The following RPH3A variants were observed in gnomAD, a reference collection of about 807,000 sequenced individuals.
RPH3A encodes rabphilin-3A.
Under a neutral mutation model 102.2 loss-of-function variants are expected in RPH3A, and 48 were observed. The ratio of observed to expected loss-of-function variants is 0.47; its 90% confidence interval spans 0.37 to 0.60. RPH3A has a LOEUF of 0.60. Among genes scored for constraint, RPH3A ranks in the 20% least tolerant of loss-of-function variants. RPH3A has a pLI of 0.00. For synonymous variants in RPH3A, 310 were observed against 324.3 expected (o/e 0.96, Z 0.47); for missense variants, 781 against 910.1 (o/e 0.86, Z 1.83).
At position 112,621,010 on chromosome 12, in the gene RPH3A, A is replaced by AT. The variant is rs1324365562; in HGVS notation, c.-140+45704dup. 1.4e-3 allele frequency among the ~76,000 whole-genome samples: 208 copies of AT among 146,214 alleles called. 3 individuals are homozygous for AT. The highest frequency in any genetic ancestry group is 3.6e-3 in the Middle Eastern group (1 of 276). ...TATCTTCCTATTTTTTAACATTATT[A>AT]TTTTTTTTTTTTTGTAGAGATAGGG... On this transcript the variant is annotated intron_variant, in intron 1 of 21. Transcript: ENST00000543106.
In RPH3A at chr12:112,575,427, A is replaced by ACGCTGCCTCCGGGAATGGGGCTGCTGGAG. The variant is rs546285621; in HGVS notation, c.-140+111_-140+139dup. 8.8e-3 allele frequency: 1,282 copies of ACGCTGCCTCCGGGAATGGGGCTGCTGGAG among 145,956 alleles called. 11 individuals are homozygous for ACGCTGCCTCCGGGAATGGGGCTGCTGGAG. Among genetic ancestry groups the ACGCTGCCTCCGGGAATGGGGCTGCTGGAG allele is most frequent in the South Asian group, 0.028 (119 of 4,192 alleles). The allele number at this position is 145,956 out of a possible 1,614,324, so 9.0% of individuals were successfully genotyped here. On this transcript the variant is annotated intron_variant, in intron 1 of 21. Coordinates refer to the RPH3A transcript ENST00000543106. ...CCGTGGGGGCGCGGCCGGACGCGGG[A>ACGCTGCCTCCGGGAATGGGGCTGCTGGAG]CGCTGCCTCCGGGAATGGGGCTGCT...
At chr12:112,828,269 G>A in intron 2 of RPH3A, 32 bp from the exon 3 acceptor site, 1 of 1,448,496 alleles carries the variant, frequency 6.9e-7, no homozygotes, top group Non-Finnish European at 9.7e-7. Context: ...TGAATGATGG[G>A]GTGATGTCCT....
intron 1 of RPH3A, among the ~76,000 whole-genome samples, chr12:112,605,637 T>C (rs1197521839): frequency 6.6e-6 from 1 of 152,232 alleles, no homozygotes; most frequent in Non-Finnish European, 1.5e-5. Context: ...CAAGCCTTTT[T>C]ATTTAGAGTT....
intron 4 of RPH3A, among the ~76,000 whole-genome samples, chr12:112,837,433 T>G (rs1168368227): frequency 6.6e-6 from 1 of 152,212 alleles, no homozygotes; most frequent in Non-Finnish European, 1.5e-5. Context: ...TTTCAGCTTT[T>G]TTTTTGGAGA....
At chr12:112,779,581 C>T (rs2040992861) in intron 1 of RPH3A, among the ~76,000 whole-genome samples, 1 of 152,070 alleles carries the variant, frequency 6.6e-6, no homozygotes, top group African/African-American at 2.4e-5. Context: ...GATCATCACC[C>T]CCTTCCATTG....
At chr12:112,709,889 ATTGT>A (rs2040448442) in intron 1 of RPH3A, among the ~76,000 whole-genome samples, 1 of 152,102 alleles carries the variant, frequency 6.6e-6, no homozygotes, top group Non-Finnish European at 1.5e-5. Flanking sequence ...GACATGTTTA[ATTGT>A]TTGCCCAAGG....
rs2043192180 is a variant in RPH3A at position 112,897,138 on chromosome 12, A to G, written c.*358A>G. 1 of 223,260 alleles carries G rather than the reference A, an allele frequency of 4.5e-6. No homozygotes were observed. The highest frequency in any genetic ancestry group is 8.9e-6 in the Non-Finnish European group (1 of 112,670). The allele number at this position is 223,260 out of a possible 1,614,324, so 13.8% of individuals were successfully genotyped here. A position where few individuals can be genotyped will look rare whatever the true frequency, so the allele number is the denominator to read the frequency against. On this transcript the variant is annotated 3_prime_UTR_variant, in exon 22 of 22. Transcript: ENST00000389385. ...TTTAGACCCTCCTAGCCTTGAACAC[A>G]CACATGTACACACACACACACACAC...
At chr12:112,769,303 T>C (rs1248886868) in intron 1 of RPH3A, among the ~76,000 whole-genome samples, 1 of 152,214 alleles carries the variant, frequency 6.6e-6, no homozygotes, top group African/African-American at 2.4e-5. Flanking sequence ...GAGGCAAACG[T>C]TTTTCTTGTG....
At chr12:112,766,025 A>T (rs1592987242) in intron 1 of RPH3A, among the ~76,000 whole-genome samples, 1 of 152,190 alleles carries the variant, frequency 6.6e-6, no homozygotes, top group Admixed American at 6.5e-5. Context: ...CTCTTTAGAT[A>T]GATGCCATCT....
At chr12:112,667,147 A>AT (rs1346684340) in intron 1 of RPH3A, among the ~76,000 whole-genome samples, 1 of 151,980 alleles carries the variant, frequency 6.6e-6, no homozygotes, top group Non-Finnish European at 1.5e-5. Flanking sequence ...TGTGCATGTT[A>AT]TTTTTCTCTG....
At chr12:112,609,912 C>G (rs2039625596) in intron 1 of RPH3A, among the ~76,000 whole-genome samples, 1 of 152,176 alleles carries the variant, frequency 6.6e-6, no homozygotes, top group Admixed American at 6.5e-5. Context: ...TGCCTTGAAC[C>G]ACTGGAATAG....
At chr12:112,849,653 A>AT (rs1400879687) in intron 5 of RPH3A, among the ~76,000 whole-genome samples, 2 of 152,168 alleles carry the variant, frequency 1.3e-5, no homozygotes, top group Non-Finnish European at 2.9e-5. Context: ...AAGGGTAGGT[A>AT]TTTTTGCCGG....
intron 18 of RPH3A, among the ~76,000 whole-genome samples, chr12:112,890,366 A>C (rs1005556896): frequency 6.6e-6 from 1 of 152,014 alleles, no homozygotes; most frequent in African/African-American, 2.4e-5. Context: ...GCAATGGCAC[A>C]CTCCTTTCTT....
intron 5 of RPH3A, among the ~76,000 whole-genome samples, chr12:112,848,593 A>G (rs1409904643): frequency 6.6e-6 from 1 of 152,188 alleles, no homozygotes; most frequent in Non-Finnish European, 1.5e-5. Flanking sequence ...TGACACATGC[A>G]CAGTTCCTGA....
chr12:112,621,454 C>T (rs2039723778), intron 1 of RPH3A, among the ~76,000 whole-genome samples: 1 of 148,040 alleles, frequency 6.8e-6, no homozygotes, highest in African/African-American at 2.5e-5. Context: ...GACGGACGCA[C>T]CTGGAAAATC....
At chr12:112,883,430 G>C (rs1243665052) in intron 16 of RPH3A, 28 bp downstream of exon 16, 22 of 1,555,900 alleles carry the variant, frequency 1.4e-5, no homozygotes, top group Non-Finnish European at 1.9e-5. Flanking sequence ...GGCAGAGAGG[G>C]AGGCAAAGGG....
intron 4 of RPH3A, among the ~76,000 whole-genome samples, chr12:112,841,260 T>A (rs1326003256): frequency 6.7e-6 from 1 of 148,306 alleles, no homozygotes; most frequent in Non-Finnish European, 1.5e-5. Flanking sequence ...TTCCTGAGAT[T>A]CATGCTTCCT....
chr12:112,593,470 G>T (rs2039493144), intron 1 of RPH3A, among the ~76,000 whole-genome samples: 1 of 152,166 alleles, frequency 6.6e-6, no homozygotes. Flanking sequence ...AGTCCATCCT[G>T]ACCGATACAT....
intron 1 of RPH3A, among the ~76,000 whole-genome samples, chr12:112,735,203 C>T (rs945308126): frequency 6.6e-6 from 1 of 152,176 alleles, no homozygotes; most frequent in African/African-American, 2.4e-5. Flanking sequence ...AGCTTAGTAT[C>T]GATTATCCTG....
Sources: gnomAD v4.1 joint callset for allele counts (sites outside exome capture counted in the v4.1 genomes callset) on GRCh38, gnomAD v4.1.1 for gene constraint, MANE v1.5 for transcripts, NCBI Gene and HGNC (gene_info 2026-07-23, HGNC 2026-07-21) for gene names.